Variants in LARGE1 observed in about 807,000 individuals in gnomAD.
The protein encoded by LARGE1 is xylosyl- and glucuronyltransferase LARGE1.
Under a neutral mutation model 87.6 loss-of-function variants are expected in LARGE1, and 43 were observed. The ratio of observed to expected loss-of-function variants is 0.49; its 90% CI spans 0.38 to 0.63. LARGE1 has a LOEUF of 0.63. Among genes scored for constraint, LARGE1 ranks in the 30% least tolerant of loss-of-function variants. The pLI is 0.00. For missense variants in LARGE1, 802 were observed against 1,000.2 expected (o/e 0.80, Z 2.67); for synonymous variants, 434 against 394.6 (o/e 1.10, Z -1.18).
chr22:33,899,020 T>C (rs1199983678), intron 1 of LARGE1, among the ~76,000 whole-genome samples: 1 of 152,200 alleles, frequency 6.6e-6, no homozygotes, highest in African/African-American at 2.4e-5. Flanking sequence ...CCTGCTGCTC[T>C]TCAGCAAGAT....
At chr22:33,905,823 G>A (rs957052973) in intron 1 of LARGE1, among the ~76,000 whole-genome samples, 2 of 152,130 alleles carry the variant, frequency 1.3e-5, no homozygotes, top group South Asian at 2.1e-4. Context: ...TAAGAGATGT[G>A]CCTTTATAAA....
At chr22:33,570,122 T>C (rs2078152174) in intron 5 of LARGE1, among the ~76,000 whole-genome samples, 1 of 152,178 alleles carries the variant, frequency 6.6e-6, no homozygotes, top group African/African-American at 2.4e-5. Flanking sequence ...CTTAACCTCC[T>C]TGAGTCTTAG....
At chr22:33,261,149 T>C (rs969378792) in intron 11 of LARGE1, among the ~76,000 whole-genome samples, 5 of 152,212 alleles carry the variant, frequency 3.3e-5, no homozygotes, top group Admixed American at 2.6e-4. Flanking sequence ...GGGAACACAG[T>C]GGTGAACAAG....
chr22:33,631,425 C>A lies in LARGE1; in HGVS notation c.409-5099G>T, dbSNP rs552974141. 3.9e-5 allele frequency among the ~76,000 whole-genome samples: 6 copies of A among 152,266 alleles called. No individual in the cohort carries two copies. The South Asian group carries it at 6.2e-4, about 16-fold the overall frequency. On this transcript the variant is annotated intron_variant, in intron 3 of 14. Coordinates refer to ENST00000397394, the MANE Select transcript of LARGE1 (RefSeq NM_133642.5). ...AAATACTTTATATTCTTATTCTATA[C>A]GCATTTTTCTGTTTTAAAAATTATT...
chr22:33,658,176 T>C (rs2081022936), intron 2 of LARGE1, among the ~76,000 whole-genome samples: 2 of 152,186 alleles, frequency 1.3e-5, no homozygotes, highest in African/African-American at 4.8e-5. Flanking sequence ...CAATCTGGGC[T>C]TCCATTAAAA....
intron 6 of LARGE1, among the ~76,000 whole-genome samples, chr22:33,555,096 C>A (rs1029334183): frequency 6.6e-6 from 1 of 152,104 alleles, no homozygotes; most frequent in Non-Finnish European, 1.5e-5. Flanking sequence ...CTTACTATTC[C>A]CTAAACAATA....
chr22:33,327,641 G>A (rs745628154), intron 10 of LARGE1, among the ~76,000 whole-genome samples: 25 of 152,156 alleles, frequency 1.6e-4, no homozygotes, highest in Non-Finnish European at 2.9e-4. Flanking sequence ...CTGCAGCCTC[G>A]ACCTCCCAGG....
intron 9 of LARGE1, among the ~76,000 whole-genome samples, chr22:33,366,913 G>A (rs1477465744): frequency 3.9e-5 from 6 of 151,958 alleles, no homozygotes; most frequent in African/African-American, 1.4e-4. Context: ...ATTTAAAATT[G>A]GAAATGTCCT....
intron 12 of LARGE1, among the ~76,000 whole-genome samples, chr22:33,294,835 T>C (rs922393572): frequency 2.0e-5 from 3 of 152,160 alleles, no homozygotes; most frequent in Non-Finnish European, 4.4e-5. Flanking sequence ...AGGAATCTAT[T>C]TGTAACTGCC....
intron 2 of LARGE1, among the ~76,000 whole-genome samples, chr22:33,740,409 T>C (rs1357113945): frequency 6.6e-6 from 1 of 152,234 alleles, no homozygotes; most frequent in Non-Finnish European, 1.5e-5. Context: ...ATAATTTCCC[T>C]TTTTACTCAT....
chr22:33,471,280 G>C (rs901241179), intron 6 of LARGE1, among the ~76,000 whole-genome samples: 1 of 151,948 alleles, frequency 6.6e-6, no homozygotes, highest in Non-Finnish European at 1.5e-5. Flanking sequence ...CTGACCTCAA[G>C]TGATCTACCC....
At chr22:33,693,196 C>T (rs6518834) in intron 2 of LARGE1, among the ~76,000 whole-genome samples, 73,494 of 151,956 alleles carry the variant, frequency 0.48, 18,673 homozygotes, top group Middle Eastern at 0.68. Flanking sequence ...AGCTAAACTA[C>T]GGTTCGCAAA....
the LARGE1 span, among the ~76,000 whole-genome samples, chr22:33,106,678 T>C: frequency 6.6e-6 from 1 of 152,108 alleles, no homozygotes; most frequent in Non-Finnish European, 1.5e-5. Context: ...GTATTATTAG[T>C]AGAAATGGGG....
chr22:33,364,708 A>G (rs1240345657), intron 9 of LARGE1, among the ~76,000 whole-genome samples: 3 of 152,110 alleles, frequency 2.0e-5, no homozygotes, highest in African/African-American at 2.4e-5. Flanking sequence ...CATCCAAGTT[A>G]TAGCATATGT....
intron 9 of LARGE1, among the ~76,000 whole-genome samples, chr22:33,375,749 T>TA (rs1283754062): frequency 1.7e-4 from 26 of 152,010 alleles, no homozygotes; most frequent in African/African-American, 6.1e-4. Context: ...TTATGTTTAT[T>TA]TTTTATTTAT....
At chr22:33,120,390 CTT>C in the LARGE1 span, among the ~76,000 whole-genome samples, 3 of 94,588 alleles carry the variant, frequency 3.2e-5, no homozygotes, top group African/African-American at 6.5e-5. Flanking sequence ...TTCTTTCTTT[CTT>C]TCTTTCTTTC....
At chr22:33,285,100 C>T (rs921500168) in intron 12 of LARGE1, among the ~76,000 whole-genome samples, 2 of 152,196 alleles carry the variant, frequency 1.3e-5, no homozygotes, top group Non-Finnish European at 1.5e-5. Flanking sequence ...GTCACTATTA[C>T]ACTGCAGTGC....
At chr22:33,314,353 G>A (rs1193623043) in intron 11 of LARGE1, among the ~76,000 whole-genome samples, 1 of 152,128 alleles carries the variant, frequency 6.6e-6, no homozygotes, top group Non-Finnish European at 1.5e-5. Context: ...GCTTGCATGT[G>A]GCGGGACTCA....
chr22:33,111,507 C>T, the LARGE1 span, among the ~76,000 whole-genome samples: 1 of 152,132 alleles, frequency 6.6e-6, no homozygotes, highest in Non-Finnish European at 1.5e-5. Context: ...CTTCCCACCC[C>T]CAAAGGCATA....
Sources: allele counts gnomAD v4.1 joint callset (sites outside exome capture counted in the v4.1 genomes callset), GRCh38; gene constraint gnomAD v4.1.1; transcripts MANE v1.5; gene names NCBI Gene and HGNC (gene_info 2026-07-23, HGNC 2026-07-21).